The following ATP9B variants were observed in gnomAD, a reference collection of about 807,000 sequenced individuals.
ATP9B encodes probable phospholipid-transporting ATPase IIB.
In ATP9B, 110 loss-of-function variants were observed where a neutral mutation model predicts 146.1. The observed-to-expected ratio is 0.75, with a 90% CI of 0.65 to 0.88. The LOEUF is 0.88. Among genes scored for constraint, ATP9B ranks in the 40% least tolerant of loss-of-function variants. The pLI, the probability that ATP9B is intolerant of heterozygous loss-of-function variation, is 0.00. For synonymous variants in ATP9B, 604 were observed against 569.7 expected (o/e 1.06, Z -0.86); for missense variants, 1,499 against 1,496.4 (o/e 1.00, Z -0.03).
chr18:79,338,009 G>A (rs1340193422), intron 19 of ATP9B, among the ~76,000 whole-genome samples: 2 of 152,182 alleles, frequency 1.3e-5, no homozygotes, highest in South Asian at 4.1e-4. Flanking sequence ...GTTCCATGAG[G>A]ACGGGAGTGC....
At chr18:79,139,887 A>G (rs1027935927) in intron 5 of ATP9B, among the ~76,000 whole-genome samples, 2 of 152,140 alleles carry the variant, frequency 1.3e-5, no homozygotes, top group Admixed American at 6.6e-5. Context: ...TTAATTTACT[A>G]TGGGTAAATT....
chr18:79,176,931 A>G (rs2095180205), intron 8 of ATP9B, 24 bp downstream of exon 8: 1 of 1,590,620 alleles, frequency 6.3e-7, no homozygotes, highest in Admixed American at 1.7e-5. Flanking sequence ...AGACTACTCC[A>G]TCCTTTTATC....
chr18:79,246,043 G>A lies in ATP9B; in HGVS notation c.1108-7338G>A, dbSNP rs568486973. ...TGACTGAGGAGGGCACCGCCCTACT[G>A]ACTGTGCGGAGGGCACCACCCTACT... On this transcript the variant is annotated intron_variant, in intron 11 of 29. Coordinates refer to ENST00000426216, the MANE Select transcript of ATP9B (RefSeq NM_198531.5). Among the ~76,000 whole-genome samples, 55 of 77,856 alleles carry A rather than the reference G, an allele frequency of 7.1e-4. 1 individual carries two copies. Among genetic ancestry groups the A allele is most frequent in the Non-Finnish European group, 1.1e-3 (42 of 38,870 alleles). 51.1% of individuals were successfully genotyped at this position (77,856 alleles called of 152,430 possible). A position where few individuals can be genotyped will look rare whatever the true frequency, so the allele number is the denominator to read the frequency against.
intron 25 of ATP9B, 127 bp from the exon 26 acceptor site, chr18:79,359,227 T>TA (rs2096972451): frequency 3.1e-6 from 2 of 655,142 alleles, no homozygotes; most frequent in Admixed American, 5.4e-5. Context: ...GTTGCCAACT[T>TA]ACTTTGTTGG....
At chr18:79,238,927 CA>C (rs2095866244) in intron 11 of ATP9B, among the ~76,000 whole-genome samples, 1 of 152,216 alleles carries the variant, frequency 6.6e-6, no homozygotes, top group Non-Finnish European at 1.5e-5. Flanking sequence ...CAGAAAGAAC[CA>C]AGTCAGGTCA....
intron 26 of ATP9B, chr18:79,364,192 G>A (rs2097011610): frequency 6.6e-6 from 1 of 151,776 alleles, no homozygotes. Flanking sequence ...CGTGAACCCG[G>A]GAGGCGGAGC....
chr18:79,083,940 G>A (rs940435759), intron 1 of ATP9B, among the ~76,000 whole-genome samples: 2 of 149,042 alleles, frequency 1.3e-5, no homozygotes, highest in Non-Finnish European at 3.0e-5. Context: ...TTGGCTCACT[G>A]CAGCCTCTCC....
intron 14 of ATP9B, 49 bp downstream of exon 14, chr18:79,303,765 C>T (rs1241964267): frequency 7.2e-7 from 1 of 1,390,342 alleles, no homozygotes; most frequent in African/African-American, 1.4e-5. Flanking sequence ...ACATCCCGCG[C>T]CATGAGTCCA....
At chr18:79,284,862 T>C (rs1339628717) in intron 13 of ATP9B, among the ~76,000 whole-genome samples, 1 of 141,434 alleles carries the variant, frequency 7.1e-6, no homozygotes, top group African/African-American at 2.6e-5. Context: ...TGAGTGAGAA[T>C]ATGCAGTGTT....
chr18:79,109,046 T>C (rs2075834206), intron 2 of ATP9B, among the ~76,000 whole-genome samples: 1 of 152,214 alleles, frequency 6.6e-6, no homozygotes, highest in African/African-American at 2.4e-5. Flanking sequence ...GTCAGCCTCA[T>C]TTTGTAATCA....
chr18:79,280,344 C>T (rs918015992), intron 13 of ATP9B, among the ~76,000 whole-genome samples: 4 of 151,664 alleles, frequency 2.6e-5, no homozygotes, highest in African/African-American at 7.3e-5. Context: ...TTAAAAAAAG[C>T]ATGTAGACCA....
rs144358847 is a variant in ATP9B, at chr18:79,181,668, A to C, written c.873+4761A>C. Among the ~76,000 whole-genome samples the C allele has an allele frequency of 3.7e-3, 559 of 152,142 alleles. 3 individuals carry two copies. Among genetic ancestry groups the C allele is most frequent in the South Asian group, 0.024 (114 of 4,824 alleles). ...TCTGTCATTAAATTCACTAACATTTATCTTTTTCAGTATCTAGTCTTCTGT... is the reference window on the plus strand; with the variant it reads ...TCTGTCATTAAATTCACTAACATTTCTCTTTTTCAGTATCTAGTCTTCTGT... On this transcript the variant is annotated intron_variant, in intron 8 of 29. Coordinates refer to ENST00000426216, the MANE Select transcript of ATP9B (RefSeq NM_198531.5).
chr18:79,353,475 C>T (rs984303429), intron 25 of ATP9B: 8 of 152,302 alleles, frequency 5.3e-5, no homozygotes, highest in Non-Finnish European at 7.3e-5. Flanking sequence ...TAGTGTGAGA[C>T]GCTGGCCTGC....
chr18:79,180,309 T>C lies in ATP9B; in HGVS notation c.873+3402T>C, dbSNP rs1048825321. ...TTCTACTTATCCCATTTGTTTCTTTTCTTCATCTTTTGGTGTTGTGTTATA... is the reference window on the plus strand; with the variant it reads ...TTCTACTTATCCCATTTGTTTCTTTCCTTCATCTTTTGGTGTTGTGTTATA... On this transcript the variant is annotated intron_variant, in intron 8 of 29. Transcript: ENST00000426216. Among the ~76,000 whole-genome samples, 6 of 152,318 alleles carry C rather than the reference T, an allele frequency of 3.9e-5. 1 individual carries two copies. The South Asian group carries it at 1.2e-3, about 32-fold the overall frequency.
rs1057254245 is a variant in ATP9B at position 79,069,542 on chromosome 18, G to C, written c.119+13G>C. On this transcript the variant is annotated intron_variant, in intron 1 of 29. Transcript: ENST00000426216. Reference sequence around the variant, plus strand: ...ACCGGCACAGCAGGTAACCGAGGCGGCACTGGCCCCGTTCCCCGCCGACGC... The same window carrying C: ...ACCGGCACAGCAGGTAACCGAGGCGCCACTGGCCCCGTTCCCCGCCGACGC... 3.0e-6 allele frequency: 4 copies of C among 1,322,312 alleles called. No homozygotes were observed. The African/African-American group carries it at 6.5e-5, about 22-fold the overall frequency. 81.9% of individuals were successfully genotyped at this position (1,322,312 alleles called of 1,614,324 possible).
At chr18:79,366,180 G>T (rs1362877345) in intron 26 of ATP9B, among the ~76,000 whole-genome samples, 3 of 152,244 alleles carry the variant, frequency 2.0e-5, no homozygotes, top group Non-Finnish European at 4.4e-5. Flanking sequence ...AGGTTTGAGT[G>T]TAGAGGGTGA....
At chr18:79,282,657 A>C (rs2145875916) in intron 13 of ATP9B, among the ~76,000 whole-genome samples, 1 of 152,360 alleles carries the variant, frequency 6.6e-6, no homozygotes, top group Middle Eastern at 3.4e-3. Flanking sequence ...ATGAACTGGG[A>C]AACGCAAAAA....
chr18:79,349,894 A>ACCCCCCCCCCCCCCCCCCCCCCC (rs33953089), intron 25 of ATP9B, among the ~76,000 whole-genome samples: 2 of 114,704 alleles, frequency 1.7e-5, no homozygotes, highest in African/African-American at 3.2e-5. Context: ...GAGGCCCCGC[A>ACCCCCCCCCCCCCCCCCCCCCCC]CCCCCCCCCC....
In ATP9B at chr18:79,206,921, T is replaced by G. The variant is rs761188722; in HGVS notation, c.955-16T>G. ...ATCATTTGACGGTTTTGTTTTCTTT[T>G]TGTCTCCCTGCACAGGAAGACAGTG... On this transcript the variant is annotated splice_polypyrimidine_tract_variant and intron_variant, in intron 9 of 29. Transcript: ENST00000426216. The G allele has an allele frequency of 1.2e-6, 2 of 1,612,104 alleles. No individual in the cohort carries two copies. Among genetic ancestry groups the G allele is most frequent in the South Asian group, 2.2e-5 (2 of 90,980 alleles).
Sources: allele counts gnomAD v4.1 joint callset (sites outside exome capture counted in the v4.1 genomes callset), GRCh38; gene constraint gnomAD v4.1.1; transcripts MANE v1.5; gene names NCBI Gene and HGNC (gene_info 2026-07-23, HGNC 2026-07-21).